Variants in SV2C observed in about 807,000 individuals in gnomAD.
The protein encoded by SV2C is solute carrier family 22 member B3.
SV2C carries 49 observed loss-of-function variants against 79.7 expected under a neutral mutation model. The ratio of observed to expected loss-of-function variants is 0.61; its 90% CI spans 0.49 to 0.78. The LOEUF (loss-of-function observed/expected upper bound fraction) is 0.78. Ranked by LOEUF, SV2C falls within the 30% of genes least tolerant of loss-of-function variation. The probability of loss-of-function intolerance (pLI) is 0.00; values close to 1 mark genes in which losing one functional copy is unlikely to be tolerated. For missense variants in SV2C, 833 were observed against 912.9 expected (o/e 0.91, Z 1.13); for synonymous variants, 334 against 333.2 (o/e 1.00, Z -0.03).
chr5:76,144,812 AGATT>A (rs1279226357), intron 2 of SV2C, among the ~76,000 whole-genome samples: 2 of 146,190 alleles, frequency 1.4e-5, no homozygotes, highest in South Asian at 2.3e-4. Context: ...AAGTACAGTC[AGATT>A]GATAGGAGGT....
At chr5:75,880,435 T>G in the SV2C span, among the ~76,000 whole-genome samples, 4 of 152,314 alleles carry the variant, frequency 2.6e-5, no homozygotes, top group South Asian at 8.3e-4. Flanking sequence ...ACATCTTGAA[T>G]GCTTTGCTGC....
the SV2C span, among the ~76,000 whole-genome samples, chr5:75,969,195 C>T: frequency 3.7e-3 from 568 of 152,286 alleles, 3 homozygotes; most frequent in African/African-American, 0.012. Flanking sequence ...AGGAAAGGAA[C>T]AACTGGTACC....
rs563282898 is a variant in SV2C at position 76,350,175 on chromosome 5, A to G, written c.2001-2955A>G. On this transcript the variant is annotated intron_variant, in intron 12 of 12. Coordinates refer to the SV2C transcript ENST00000322285. ...TTAAGTGACCATTACCATTTCCTCC[A>G]TCCTGCCCTCCATACATGTGATTTT... Among the ~76,000 whole-genome samples, 10 of 152,178 alleles carry G rather than the reference A, an allele frequency of 6.6e-5. No homozygotes were observed. In the South Asian group the frequency reaches 1.9e-3, roughly 28 times the overall value.
At chr5:76,214,823 C>A (rs1187459897) in intron 4 of SV2C, among the ~76,000 whole-genome samples, 1 of 152,114 alleles carries the variant, frequency 6.6e-6, no homozygotes, top group Non-Finnish European at 1.5e-5. Flanking sequence ...TCCAATACTT[C>A]ATTATTACTG....
the SV2C span, among the ~76,000 whole-genome samples, chr5:75,973,521 A>G: frequency 6.6e-6 from 1 of 151,610 alleles, no homozygotes; most frequent in East Asian, 1.9e-4. Context: ...AAAGAAAAAG[A>G]AAAAAAAGTA....
chr5:76,004,062 A>T, the SV2C span, among the ~76,000 whole-genome samples: 17 of 152,156 alleles, frequency 1.1e-4, no homozygotes, highest in African/African-American at 4.1e-4. Flanking sequence ...GAAAAAAAAA[A>T]GGTTGATAAA....
chr5:76,006,798 C>G, the SV2C span, among the ~76,000 whole-genome samples: 2 of 128,600 alleles, frequency 1.6e-5, no homozygotes, highest in African/African-American at 6.2e-5. Flanking sequence ...ATTGTTGTTC[C>G]TCTGATATTC....
At chr5:76,097,642 A>G (rs1263142039) in intron 1 of SV2C, among the ~76,000 whole-genome samples, 2 of 152,202 alleles carry the variant, frequency 1.3e-5, no homozygotes, top group African/African-American at 2.4e-5. Context: ...GTAGATTATA[A>G]TATCTATGAA....
At chr5:76,016,337 C>A in the SV2C span, among the ~76,000 whole-genome samples, 4 of 149,764 alleles carry the variant, frequency 2.7e-5, no homozygotes, top group African/African-American at 7.4e-5. Flanking sequence ...GTGCCCACTG[C>A]GACATAACAA....
upstream of SV2C, among the ~76,000 whole-genome samples, chr5:76,082,607 C>CCTCT (rs529102891): frequency 2.8e-5 from 4 of 145,142 alleles, no homozygotes; most frequent in African/African-American, 1.0e-4. Flanking sequence ...TCCTCCTCCT[C>CCTCT]CTCTCTCTCT....
chr5:75,913,273 T>C, the SV2C span, among the ~76,000 whole-genome samples: 2 of 152,172 alleles, frequency 1.3e-5, no homozygotes, highest in African/African-American at 2.4e-5. Context: ...GCGAGTAGGA[T>C]ATAAATTAGG....
At chr5:76,289,978 C>T (rs116299922) in intron 6 of SV2C, among the ~76,000 whole-genome samples, 256 of 152,024 alleles carry the variant, frequency 1.7e-3, no homozygotes, top group African/African-American at 5.8e-3. Context: ...GTTTGCATCC[C>T]GCATGGGTGC....
the SV2C span, among the ~76,000 whole-genome samples, chr5:75,947,950 C>T: frequency 1.1e-4 from 17 of 151,814 alleles, no homozygotes; most frequent in African/African-American, 1.7e-4. Flanking sequence ...CATCAGTGAA[C>T]GCTATTAACT....
chr5:76,120,749 T>A (rs1204411084), intron 1 of SV2C, among the ~76,000 whole-genome samples: 1 of 150,526 alleles, frequency 6.6e-6, no homozygotes, highest in East Asian at 1.9e-4. Flanking sequence ...TGCCACATTT[T>A]CTTAATCCAG....
At chr5:76,306,309 G>T (rs1289170729) in intron 12 of SV2C, among the ~76,000 whole-genome samples, 3 of 152,156 alleles carry the variant, frequency 2.0e-5, no homozygotes, top group East Asian at 3.9e-4. Context: ...TTCTGCCCCA[G>T]CCTCTGAAGT....
the SV2C span, among the ~76,000 whole-genome samples, chr5:76,059,140 G>A: frequency 9.9e-5 from 15 of 152,262 alleles, 1 homozygote; most frequent in East Asian, 2.7e-3. Flanking sequence ...AGCCTTTAGG[G>A]AGTTATAATC....
At chr5:76,300,061 C>T (rs977675814) in intron 10 of SV2C, among the ~76,000 whole-genome samples, 1 of 152,046 alleles carries the variant, frequency 6.6e-6, no homozygotes, top group Non-Finnish European at 1.5e-5. Flanking sequence ...AAGGCTGACT[C>T]TTGCACTTTT....
intron 2 of SV2C, among the ~76,000 whole-genome samples, chr5:76,134,466 A>G (rs1749001281): frequency 6.6e-6 from 1 of 152,198 alleles, no homozygotes; most frequent in Non-Finnish European, 1.5e-5. Context: ...TAGCAATAGG[A>G]TCAAAATGCA....
At chr5:76,066,540 C>A in the SV2C span, among the ~76,000 whole-genome samples, 5 of 151,136 alleles carry the variant, frequency 3.3e-5, no homozygotes, top group Non-Finnish European at 7.4e-5. Flanking sequence ...ACCAACATGG[C>A]ACATGTATAC....
Sources: allele counts gnomAD v4.1 joint callset (sites outside exome capture counted in the v4.1 genomes callset), GRCh38; gene constraint gnomAD v4.1.1; transcripts MANE v1.5; gene names NCBI Gene and HGNC (gene_info 2026-07-23, HGNC 2026-07-21).